The following WLS variants were observed in gnomAD, a reference collection of about 807,000 sequenced individuals.
WLS encodes the protein protein wntless homolog.
WLS carries 23 observed loss-of-function variants against 62.8 expected under a neutral mutation model. The ratio of observed to expected loss-of-function variants is 0.37; its 90% CI spans 0.26 to 0.52. The LOEUF (loss-of-function observed/expected upper bound fraction) is 0.52, where lower values mean the gene tolerates loss of function less well. WLS is among the 20% of genes least tolerant of loss of function. WLS has a pLI of 0.92. For missense variants in WLS, 615 were observed against 697.3 expected (o/e 0.88, Z 1.33); for synonymous variants, 246 against 244.1 (o/e 1.01, Z -0.07).
chr1:68,110,122 A>T (rs920169119), intron 11 of WLS, among the ~76,000 whole-genome samples: 30 of 151,736 alleles, frequency 2.0e-4, no homozygotes, highest in African/African-American at 7.3e-4. Flanking sequence ...CTATTAGATT[A>T]ATCTTTAGTA....
intron 11 of WLS, among the ~76,000 whole-genome samples, chr1:68,115,935 T>A (rs1646286490): frequency 6.6e-6 from 1 of 152,168 alleles, no homozygotes; most frequent in Non-Finnish European, 1.5e-5. Flanking sequence ...GTCGTTGGCA[T>A]TTTTGTATGT....
intron 11 of WLS, among the ~76,000 whole-genome samples, chr1:68,102,378 T>G (rs1351958787): frequency 6.6e-6 from 1 of 152,192 alleles, no homozygotes; most frequent in Non-Finnish European, 1.5e-5. Context: ...TCTGCTTTCC[T>G]ATGGGGAGAA....
At chr1:68,102,277 G>C (rs566680689) in intron 11 of WLS, among the ~76,000 whole-genome samples, 1 of 152,296 alleles carries the variant, frequency 6.6e-6, no homozygotes, top group Admixed American at 6.5e-5. Flanking sequence ...CCAAGGGAAA[G>C]AATGACTTCT....
At chr1:68,110,007 T>TTAAAAAAAAA (rs1253049692) in intron 11 of WLS, among the ~76,000 whole-genome samples, 1 of 28,456 alleles carries the variant, frequency 3.5e-5, no homozygotes, top group Non-Finnish European at 6.3e-5. Flanking sequence ...ACACAAAAAG[T>TTAAAAAAAAA]AAAAAAAAAA....
intron 10 of WLS, among the ~76,000 whole-genome samples, chr1:68,139,181 C>T (rs997386640): frequency 6.6e-6 from 1 of 152,148 alleles, no homozygotes; most frequent in African/African-American, 2.4e-5. Context: ...ATTATGAACT[C>T]TTATTTATTT....
chr1:68,186,824 C>A (rs1570975498), intron 2 of WLS, among the ~76,000 whole-genome samples: 1 of 152,060 alleles, frequency 6.6e-6, no homozygotes, highest in African/African-American at 2.4e-5. Flanking sequence ...TCTGTATAAT[C>A]AATGCCTTGC....
At chr1:68,101,316 T>C (rs1028197078) in intron 11 of WLS, among the ~76,000 whole-genome samples, 1 of 152,062 alleles carries the variant, frequency 6.6e-6, no homozygotes, top group Non-Finnish European at 1.5e-5. Flanking sequence ...CTATTATTAT[T>C]ATTATTATTA....
chr1:68,213,480 G>A (rs1050219652), intron 1 of WLS, among the ~76,000 whole-genome samples: 7 of 148,724 alleles, frequency 4.7e-5, no homozygotes, highest in African/African-American at 1.7e-4. Context: ...AAGGAAAGAC[G>A]AGGAAGCATG....
chr1:68,187,138 G>A (rs995760424), intron 2 of WLS, among the ~76,000 whole-genome samples: 5 of 143,794 alleles, frequency 3.5e-5, no homozygotes, highest in Non-Finnish European at 4.5e-5. Context: ...GCATGAACCC[G>A]GGATCGTGCC....
downstream of WLS, among the ~76,000 whole-genome samples, chr1:68,124,114 C>T (rs1646395982): frequency 1.3e-5 from 2 of 152,196 alleles, no homozygotes; most frequent in South Asian, 4.1e-4. Context: ...GTGCAACCCA[C>T]ATCCAGAACA....
At chr1:68,231,863 G>T (rs755988441) in intron 1 of WLS, 1 of 301,922 alleles carries the variant, frequency 3.3e-6, no homozygotes, top group Non-Finnish European at 6.3e-6. Context: ...AAAGCGGGGG[G>T]GGGGGGGGGC....
At chr1:68,138,114 A>G in intron 10 of WLS, 181 bp from the exon 11 acceptor site, 1 of 711,856 alleles carries the variant, frequency 1.4e-6, no homozygotes, top group Non-Finnish European at 2.3e-6. Context: ...GGTCAACTGA[A>G]GGTTCTCTAG....
chr1:68,173,132 A>G (rs773041089), intron 2 of WLS, among the ~76,000 whole-genome samples: 8 of 152,236 alleles, frequency 5.3e-5, no homozygotes, highest in Non-Finnish European at 1.0e-4. Context: ...GAATTTGTTT[A>G]CCAAAGAATC....
At chr1:68,205,685 G>GAAA (rs1332624920) in intron 1 of WLS, among the ~76,000 whole-genome samples, 1 of 152,160 alleles carries the variant, frequency 6.6e-6, no homozygotes, top group African/African-American at 2.4e-5. Flanking sequence ...ATGTAGGGAA[G>GAAA]ATTTTGGCCA....
chr1:68,193,953 A>G lies in WLS; in HGVS notation c.379+2T>C. The G allele has an allele frequency of 1.2e-6, 2 of 1,612,988 alleles. No individual in the cohort carries two copies. The highest frequency in any genetic ancestry group is 1.7e-6 in the Non-Finnish European group (2 of 1,179,224). ...AAGGGATGAGAGGAGAGTACACTTA[A>G]CTGATTTGGTTGTTTAGCTTGAAGG... is the stretch of plus-strand genomic sequence containing the variant. On this transcript the variant is annotated splice_donor_variant, in intron 2 of 11. Transcript: ENST00000262348. LOFTEE classifies it high-confidence loss of function.
intron 1 of WLS, among the ~76,000 whole-genome samples, chr1:68,229,249 C>A (rs1274487522): frequency 6.6e-6 from 1 of 152,088 alleles, no homozygotes; most frequent in African/African-American, 2.4e-5. Flanking sequence ...GTGGTGTATG[C>A]AGTACTCACA....
intron 11 of WLS, among the ~76,000 whole-genome samples, chr1:68,133,381 C>T (rs1423208879): frequency 6.6e-6 from 1 of 152,162 alleles, no homozygotes; most frequent in Non-Finnish European, 1.5e-5. Context: ...GAGAACACTC[C>T]AGTGTGGAGT....
intron 10 of WLS, among the ~76,000 whole-genome samples, chr1:68,141,267 C>G (rs1000690491): frequency 6.6e-6 from 1 of 152,110 alleles, no homozygotes; most frequent in Non-Finnish European, 1.5e-5. Flanking sequence ...CACAAAAGAG[C>G]TGGGGACAGG....
intron 10 of WLS, chr1:68,138,182 G>T: frequency 4.3e-6 from 2 of 461,042 alleles, no homozygotes; most frequent in Non-Finnish European, 7.7e-6. Context: ...TATCACCTGG[G>T]GAGTGTCTCT....
Sources: allele counts gnomAD v4.1 joint callset (sites outside exome capture counted in the v4.1 genomes callset), GRCh38; gene constraint gnomAD v4.1.1; transcripts MANE v1.5; gene names NCBI Gene and HGNC (gene_info 2026-07-23, HGNC 2026-07-21).